Variants in RAD51AP2 observed in about 807,000 individuals in gnomAD.
The protein encoded by RAD51AP2 is RAD51-associated protein 2.
RAD51AP2 carries 67 observed loss-of-function variants against 85.5 expected under a neutral mutation model. That is an observed-to-expected ratio of 0.78 (90% CI 0.64 to 0.96). The LOEUF (loss-of-function observed/expected upper bound fraction) is 0.96, where lower values mean the gene tolerates loss of function less well. Among genes scored for constraint, RAD51AP2 ranks in the 40% least tolerant of loss-of-function variants. The pLI is 0.00. For missense variants in RAD51AP2, 1,307 were observed against 1,332.4 expected, an observed-to-expected ratio of 0.98 and a Z score of 0.30; for synonymous variants, 474 against 446.5, an observed-to-expected ratio of 1.06 and a Z score of -0.78.
chr2:17,516,779 C>T lies in RAD51AP2; in HGVS notation c.1637G>A (p.Gly546Asp), dbSNP rs752405616. 34 of 1,550,164 alleles carry T rather than the reference C, an allele frequency of 2.2e-5. No individual in the cohort carries two copies. The highest frequency in any genetic ancestry group is 2.9e-5 in the Non-Finnish European group (33 of 1,143,976). ...GTTTCTGGTTATTAGATTTTGAATA[C>T]CAATTATACCAATTTGCTTTTTACA... ...LKCKKQIGII[G>D]IQNLITRNMN... The change falls in exon 1 of 3, where the codon GGT becomes GAT. Residue 546 changes from glycine (G) to aspartate (D), a missense_variant. Gly to Asp is a moderately conservative substitution (Grantham distance 94, BLOSUM62 -1). Transcript: ENST00000399080.
At position 17,517,432 on chromosome 2, in the gene RAD51AP2, T is replaced by C; in HGVS notation, c.984A>G (p.Glu328=). The change falls in exon 1 of 3, where the codon GAA becomes GAG. Residue 328 remains glutamate (E), a synonymous_variant. Transcript: ENST00000399080. ...GGCTACTGAGTGATGGGTAGTCATTTTCATAACATTTGGAAAAAATGTTTT... is the reference window on the plus strand; with the variant it reads ...GGCTACTGAGTGATGGGTAGTCATTCTCATAACATTTGGAAAAAATGTTTT... ...EAENIFSKCY[E]NDYPSLSSQN... 1.2e-6 allele frequency: 2 copies of C among 1,613,778 alleles called. No homozygotes were observed. Among genetic ancestry groups the C allele is most frequent in the Non-Finnish European group, 1.7e-6 (2 of 1,179,968 alleles).
At position 17,517,253 on chromosome 2, in the gene RAD51AP2, C is replaced by T; in HGVS notation, c.1163G>A (p.Arg388Lys). 1 of 1,613,966 alleles carries T rather than the reference C, an allele frequency of 6.2e-7. No individual in the cohort carries two copies. The highest frequency in any genetic ancestry group is 8.5e-7 in the Non-Finnish European group (1 of 1,179,962). ...GTCCCAGTTTTGAGATTTTTCCAGC[C>T]TGGTAAGTACGTAACTGTCCAGACA... Reference protein sequence around the residue: ...AECLDSYVLTRLEKSQNWDCN... With the variant: ...AECLDSYVLTKLEKSQNWDCN... The change falls in exon 1 of 3, where the codon AGG (arginine) becomes AAG (lysine). Residue 388 changes from arginine to lysine, a missense_variant. Around this residue, in one of 3 missense-constraint regions of RAD51AP2, gnomAD observed 635 missense variants for 643.6 expected, o/e 0.99. Transcript: ENST00000399080.
rs547671433 is a variant in RAD51AP2, at chr2:17,512,799, C to T, written c.3328+1213G>A. On this transcript the variant is annotated intron_variant, in intron 2 of 2. Transcript: ENST00000399080. ...GTATTGTTCCATCAGTTACTTCCTT[C>T]ATCCCGGGGAGAAGAGACTACCTGT... Among the ~76,000 whole-genome samples, 6 of 152,312 alleles carry T rather than the reference C, an allele frequency of 3.9e-5. No individual in the cohort carries two copies. In the East Asian group the frequency reaches 1.2e-3, roughly 29 times the overall value.
In RAD51AP2 at chr2:17,510,965, T is replaced by C. The variant is rs774192412; in HGVS notation, c.3329-10A>G. 4.3e-5 allele frequency: 68 copies of C among 1,570,302 alleles called. No individual in the cohort carries two copies. Among genetic ancestry groups the C allele is most frequent in the Non-Finnish European group, 5.6e-5 (65 of 1,160,654 alleles). ...TGTGGAAAGTGACTACCTAAAAATA[T>C]AAGACAATAAAAGTAAAAATTATCA... On this transcript the variant is annotated splice_polypyrimidine_tract_variant and intron_variant, in intron 2 of 2. Transcript: ENST00000399080.
In RAD51AP2 at chr2:17,515,354, A is replaced by G. The variant is rs1226562890; in HGVS notation, c.3062T>C (p.Val1021Ala). The G allele has an allele frequency of 6.8e-6, 11 of 1,611,866 alleles. No homozygotes were observed. Among genetic ancestry groups the G allele is most frequent in the Non-Finnish European group, 9.3e-6 (11 of 1,179,450 alleles). Residue 1021 changes from valine (V) to alanine (A), a missense_variant, in exon 1 of 3, where the codon GTG (valine) becomes GCG (alanine). Transcript: ENST00000399080. ...MEIEKDLKMV[V>A]VNKIRASSSF... ...GGAAGATGCACGTATTTTGTTGACC[A>G]CAACCATTTTCAAATCTTTTTCTAT...
chr2:17,535,290 G>C, the RAD51AP2 span, among the ~76,000 whole-genome samples: 1 of 152,162 alleles, frequency 6.6e-6, no homozygotes, highest in Non-Finnish European at 1.5e-5. Flanking sequence ...GTATACTGCA[G>C]GTAACACAGA....
Position 17,518,296 on chromosome 2 carries a change from C to G in RAD51AP2, c.120G>C (p.Glu40Asp). ...PPSSKRLCLE[E>D]PGGVFKAGWR... ...AGCCCGCCTTAAAGACACCTCCAGGCTCCTCAAGACAGAGCCGCTTGCTAC... is the reference window on the plus strand; with the variant it reads ...AGCCCGCCTTAAAGACACCTCCAGGGTCCTCAAGACAGAGCCGCTTGCTAC... Residue 40 changes from glutamate (E) to aspartate (D), a missense_variant, in exon 1 of 3, where the codon GAG (glutamate) becomes GAC (aspartate). Glu to Asp is a conservative substitution (Grantham distance 45). This residue lies in a region of RAD51AP2 where 635 missense variants were observed against 643.6 expected (regional missense o/e 0.99). Transcript: ENST00000399080. The G allele has an allele frequency of 1.2e-6, 2 of 1,614,182 alleles. No homozygotes were observed. Among genetic ancestry groups the G allele is most frequent in the African/African-American group, 1.3e-5 (1 of 75,044 alleles).
At chr2:17,519,099 TA>T (rs201682637), upstream of RAD51AP2, among the ~76,000 whole-genome samples, 472 of 148,776 alleles carry the variant, frequency 3.2e-3, 4 homozygotes, top group Non-Finnish European at 3.6e-3. Context: ...CACTTAAGAC[TA>T]AAAAAAAAAT....
In RAD51AP2 at chr2:17,515,849, A is replaced by G. The variant is rs376927723; in HGVS notation, c.2567T>C (p.Ile856Thr). ...AAAACTATCTTTCTCTTCCTTTTCT[A>G]TCTTAGTATCTTTGTGAACTTGGCA... ...NSCQVHKDTK[I>T]EKEEKDSFFP... The change falls in exon 1 of 3, where the codon ATA becomes ACA. Residue 856 changes from isoleucine to threonine, a missense_variant. This residue lies in a region of RAD51AP2 where 668 missense variants were observed against 671.0 expected (regional missense o/e 1.00). Transcript: ENST00000399080. 12 of 1,609,746 alleles carry G rather than the reference A, an allele frequency of 7.5e-6. No homozygotes were observed. In the Admixed American group the frequency reaches 1.3e-4, roughly 18 times the overall value.
the RAD51AP2 span, among the ~76,000 whole-genome samples, chr2:17,533,013 A>T: frequency 6.6e-6 from 1 of 152,324 alleles, no homozygotes; most frequent in African/African-American, 2.4e-5. Flanking sequence ...TTGCAAACAA[A>T]TATGTAGGGA....
At chr2:17,515,047 CAT>C (rs1427789028) in intron 1 of RAD51AP2, 120 bp downstream of exon 1, 1 of 680,970 alleles carries the variant, frequency 1.5e-6, no homozygotes, top group Non-Finnish European at 2.3e-6. Context: ...CATCAATAAA[CAT>C]TGTCTTGCAT....
At chr2:17,512,743 A>G (rs754262743) in intron 2 of RAD51AP2, among the ~76,000 whole-genome samples, 3 of 152,188 alleles carry the variant, frequency 2.0e-5, no homozygotes, top group Non-Finnish European at 2.9e-5. Context: ...TTTCAGGCTA[A>G]TTCTTGCCAT....
chr2:17,517,587 C>T lies in RAD51AP2; in HGVS notation c.829G>A (p.Glu277Lys). The T allele has an allele frequency of 1.2e-6, 2 of 1,613,810 alleles. No homozygotes were observed. The highest frequency in any genetic ancestry group is 1.7e-6 in the Non-Finnish European group (2 of 1,179,934). ...NSKMSSVYLKEIAKKKNDKKE... is the reference protein window; with the variant it reads ...NSKMSSVYLKKIAKKKNDKKE... ...TTGTCATTCTTTTTCTTCGCTATTT[C>T]CTTTAAATAGACAGAGGACATTTTG... Residue 277 changes from glutamate to lysine, a missense_variant, in exon 1 of 3, where the codon GAA becomes AAA. This residue lies in a region of RAD51AP2 where 635 missense variants were observed against 643.6 expected (regional missense o/e 0.99). Transcript: ENST00000399080.
chr2:17,515,001 T>C (rs1456401679), intron 1 of RAD51AP2, among the ~76,000 whole-genome samples, 168 bp downstream of exon 1: 5 of 138,424 alleles, frequency 3.6e-5, no homozygotes, highest in African/African-American at 1.3e-4. Flanking sequence ...CTATGGCTTC[T>C]TGCTGGAAAA....
the RAD51AP2 span, among the ~76,000 whole-genome samples, chr2:17,527,219 G>A: frequency 6.6e-6 from 1 of 151,978 alleles, no homozygotes; most frequent in South Asian, 2.1e-4. Context: ...ATCCTTTTCT[G>A]TCTGTGTTTC....
At position 17,518,183 on chromosome 2, in the gene RAD51AP2, G is replaced by A. The variant is rs1421843853; in HGVS notation, c.233C>T (p.Thr78Met). 2 of 1,614,144 alleles carry A rather than the reference G, an allele frequency of 1.2e-6. No individual in the cohort carries two copies. The highest frequency in any genetic ancestry group is 1.6e-4 in the Middle Eastern group (1 of 6,062). The change falls in exon 1 of 3, where the codon ACG (threonine) becomes ATG (methionine). Residue 78 changes from threonine (T) to methionine (M), a missense_variant. Physicochemically the swap from Thr to Met is moderately conservative, Grantham distance 81. This residue lies in a region of RAD51AP2 where 635 missense variants were observed against 643.6 expected (regional missense o/e 0.99). Transcript: ENST00000399080. ...PRPFKGLLVS[T>M]NAIFDNSTDS... The stretch of plus-strand genomic sequence containing the variant: ...TGTGGAGTTATCGAAAATAGCATTC[G>A]TTGAAACAAGGAGTCCCTTGAAGGG...
the RAD51AP2 span, among the ~76,000 whole-genome samples, chr2:17,527,420 A>G: frequency 6.6e-6 from 1 of 152,190 alleles, no homozygotes; most frequent in Non-Finnish European, 1.5e-5. Context: ...TGTTTCAGGA[A>G]AATGATATAT....
chr2:17,527,577 C>T, the RAD51AP2 span, among the ~76,000 whole-genome samples: 2 of 152,194 alleles, frequency 1.3e-5, no homozygotes, highest in African/African-American at 2.4e-5. Flanking sequence ...ATTGTAGTAT[C>T]GGCCACAGGA....
chr2:17,529,579 T>C, the RAD51AP2 span, among the ~76,000 whole-genome samples: 1 of 152,124 alleles, frequency 6.6e-6, no homozygotes, highest in Non-Finnish European at 1.5e-5. Flanking sequence ...AGTAAATATA[T>C]AAGATGCAGC....
Sources: allele counts gnomAD v4.1 joint callset (sites outside exome capture counted in the v4.1 genomes callset), GRCh38; gene constraint gnomAD v4.1.1; regional missense constraint gnomAD v4.1.1; transcripts MANE v1.5; gene names NCBI Gene and HGNC (gene_info 2026-07-23, HGNC 2026-07-21).